The following VTCN1 variants were observed in gnomAD, a reference collection of about 807,000 sequenced individuals.
VTCN1 encodes V-set domain-containing T-cell activation inhibitor 1.
In VTCN1, 26 loss-of-function variants were observed where a neutral mutation model predicts 26.5. The observed-to-expected ratio is 0.98, with a 90% CI of 0.72 to 1.36. The LOEUF (loss-of-function observed/expected upper bound fraction) is 1.36. VTCN1 is among the 40% of genes most tolerant of loss of function. VTCN1 has a pLI of 0.00. For synonymous variants in VTCN1, 116 were observed against 130.7 expected (o/e 0.89, Z 0.77); for missense variants, 298 against 337.7 (o/e 0.88, Z 0.92).
At chr1:117,173,242 G>T in intron 1 of VTCN1, 1 of 708,322 alleles carries the variant, frequency 1.4e-6, no homozygotes, top group South Asian at 1.5e-5. Context: ...CCACCAGAAG[G>T]AATAAATTCC....
In VTCN1 at chr1:117,169,131, A is replaced by T. The variant is rs1329545515; in HGVS notation, c.97+976T>A. On this transcript the variant is annotated intron_variant, in intron 2 of 5. Coordinates refer to ENST00000369458, the MANE Select transcript of VTCN1 (RefSeq NM_024626.4). This position sits in a 1 kb window ranked among gnomAD's most constrained non-coding sequence, Gnocchi z 4.0. Reference sequence around the variant, plus strand: ...TGGACTGAGTCAGGTGGTTTATGAAAAAAAGAGCAGACAATTTGCCTCAGA... The same window carrying T: ...TGGACTGAGTCAGGTGGTTTATGAATAAAAGAGCAGACAATTTGCCTCAGA... Among the ~76,000 whole-genome samples the T allele has an allele frequency of 6.6e-6, 1 of 152,248 alleles. No homozygotes were observed. The highest frequency in any genetic ancestry group is 2.4e-5 in the African/African-American group (1 of 41,468).
chr1:117,172,221 T>A (rs1001272781), intron 1 of VTCN1, among the ~76,000 whole-genome samples: 1 of 152,228 alleles, frequency 6.6e-6, no homozygotes, highest in Admixed American at 6.5e-5. Context: ...CTGCCCTGAA[T>A]AGGCTCATTG....
intron 3 of VTCN1, 118 bp downstream of exon 3, chr1:117,156,456 G>T: frequency 8.8e-7 from 1 of 1,138,542 alleles, no homozygotes; most frequent in Non-Finnish European, 1.2e-6. Flanking sequence ...ACAGCTGTTA[G>T]CAGAATTGGG....
In VTCN1 at chr1:117,146,608, G is replaced by T. The variant is rs1420469145; in HGVS notation, c.*45+1005C>A. ...GTATAAATTGCCACAGAGTAGAGAA[G>T]ATTTCCAGGAAAAGACAGTGAGGGA... On this transcript the variant is annotated intron_variant, in intron 5 of 5. Coordinates refer to ENST00000369458, the MANE Select transcript of VTCN1 (RefSeq NM_024626.4). The surrounding 1 kb of genome is among the most constrained non-coding windows in gnomAD (Gnocchi z 4.2). Among the ~76,000 whole-genome samples the T allele has an allele frequency of 1.3e-5, 2 of 152,178 alleles. No individual in the cohort carries two copies. The highest frequency in any genetic ancestry group is 1.5e-5 in the Non-Finnish European group (1 of 68,022).
At chr1:117,194,692 G>A (rs1480730595) in intron 1 of VTCN1, among the ~76,000 whole-genome samples, 1 of 152,198 alleles carries the variant, frequency 6.6e-6, no homozygotes, top group Non-Finnish European at 1.5e-5. Context: ...CAGCCTATGA[G>A]AGGCAGGAAA....
rs1426600303 is a variant in VTCN1 at position 117,169,867 on chromosome 1, C to T, written c.97+240G>A. ...CTGAGATCATGCCACTGCACTCCAA[C>T]CTGGGCAACAGAGCCAGACCCTGTC... On this transcript the variant is annotated intron_variant, in intron 2 of 5. Transcript: ENST00000369458. This position sits in a 1 kb window ranked among gnomAD's most constrained non-coding sequence, Gnocchi z 4.0. Among the ~76,000 whole-genome samples, 1 of 152,032 alleles carries T rather than the reference C, an allele frequency of 6.6e-6. No individual in the cohort carries two copies. Among genetic ancestry groups the T allele is most frequent in the African/African-American group, 2.4e-5 (1 of 41,374 alleles).
At chr1:117,185,976 G>A (rs1358257791) in intron 1 of VTCN1, among the ~76,000 whole-genome samples, 1 of 152,156 alleles carries the variant, frequency 6.6e-6, no homozygotes, top group East Asian at 1.9e-4. Flanking sequence ...ACCTCTGGAG[G>A]CTGTGTCATG....
intron 2 of VTCN1, among the ~76,000 whole-genome samples, chr1:117,166,098 C>T (rs938438337): frequency 6.6e-6 from 1 of 152,198 alleles, no homozygotes; most frequent in African/African-American, 2.4e-5. Context: ...TTACTTCCAT[C>T]TATTCACACC....
At chr1:117,176,532 T>G (rs146302648) in intron 1 of VTCN1, among the ~76,000 whole-genome samples, 1 of 152,360 alleles carries the variant, frequency 6.6e-6, no homozygotes, top group East Asian at 1.9e-4. Flanking sequence ...TTCTATGTTC[T>G]CGAGTTTCTG....
intron 1 of VTCN1, among the ~76,000 whole-genome samples, chr1:117,189,978 C>T (rs1442023606): frequency 6.6e-6 from 1 of 152,232 alleles, no homozygotes; most frequent in Non-Finnish European, 1.5e-5. Flanking sequence ...TAGCTTCATC[C>T]TCTGTGGATT....
rs1651543806 is a variant in VTCN1 at position 117,146,954 on chromosome 1, GTAGGGGTTGA to G, written c.*45+649_*45+658del. ...GGCAACACAGGGGAAAATGTGATAG[GTAGGGGTTGA>G]TAAGAAATTGACATGCGGGACAGAG... On this transcript the variant is annotated intron_variant, in intron 5 of 5. Coordinates refer to ENST00000369458, the MANE Select transcript of VTCN1 (RefSeq NM_024626.4). The surrounding 1 kb of genome is among the most constrained non-coding windows in gnomAD (Gnocchi z 4.2). Among the ~76,000 whole-genome samples the G allele has an allele frequency of 6.6e-6, 1 of 152,156 alleles. No individual in the cohort carries two copies. The highest frequency in any genetic ancestry group is 1.5e-5 in the Non-Finnish European group (1 of 68,032).
At chr1:117,157,441 A>G (rs1009488432) in intron 2 of VTCN1, among the ~76,000 whole-genome samples, 6 of 152,184 alleles carry the variant, frequency 3.9e-5, no homozygotes, top group Non-Finnish European at 7.3e-5. Context: ...CACTTCTTAC[A>G]TGGTGGTGGC....
At chr1:117,174,854 A>T (rs1050936271) in intron 1 of VTCN1, among the ~76,000 whole-genome samples, 17 of 152,166 alleles carry the variant, frequency 1.1e-4, no homozygotes, top group African/African-American at 3.6e-4. Flanking sequence ...GCTGTTACAC[A>T]CTCTCTGTCC....
At chr1:117,210,563 C>T (rs1016277547) in intron 1 of VTCN1, among the ~76,000 whole-genome samples, 5 of 152,182 alleles carry the variant, frequency 3.3e-5, no homozygotes, top group African/African-American at 1.2e-4. Flanking sequence ...GTCCAAGCTG[C>T]CCAGCAAGCG....
In VTCN1 at chr1:117,159,862, G is replaced by A. The variant is rs1378832650; in HGVS notation, c.98-2941C>T. 6.6e-6 allele frequency among the ~76,000 whole-genome samples: 1 copy of A among 152,134 alleles called. No homozygotes were observed. The highest frequency in any genetic ancestry group is 1.9e-4 in the East Asian group (1 of 5,190). On this transcript the variant is annotated intron_variant, in intron 2 of 5. Coordinates refer to ENST00000369458, the MANE Select transcript of VTCN1 (RefSeq NM_024626.4). This position sits in a 1 kb window ranked among gnomAD's most constrained non-coding sequence, Gnocchi z 4.7. ...CTGTATTTAATTCAGTTGATTTTTG[G>A]TTTAAAATGAAAGCCACCCTCTCCT...
At chr1:117,188,305 C>T (rs542918085) in intron 1 of VTCN1, among the ~76,000 whole-genome samples, 1 of 152,220 alleles carries the variant, frequency 6.6e-6, no homozygotes, top group Non-Finnish European at 1.5e-5. Flanking sequence ...TTTTATGAAG[C>T]AAGGAATGTG....
Position 117,205,247 on chromosome 1 carries a change from C to G in VTCN1, c.32+5577G>C, listed in dbSNP as rs560941792. 7.9e-5 allele frequency among the ~76,000 whole-genome samples: 12 copies of G among 151,688 alleles called. No homozygotes were observed. In the South Asian group the frequency reaches 2.5e-3, roughly 32 times the overall value. On this transcript the variant is annotated intron_variant, in intron 1 of 5. Coordinates refer to ENST00000369458, the MANE Select transcript of VTCN1 (RefSeq NM_024626.4). Reference sequence around the variant, plus strand: ...TGATGGCTCACTGCAACCTTAACCTCACAGGCTCAAGCAATTCTCCCACCT... The same window carrying G: ...TGATGGCTCACTGCAACCTTAACCTGACAGGCTCAAGCAATTCTCCCACCT...
At chr1:117,204,812 G>T (rs554539058) in intron 1 of VTCN1, among the ~76,000 whole-genome samples, 4 of 149,490 alleles carry the variant, frequency 2.7e-5, no homozygotes, top group Non-Finnish European at 5.9e-5. Flanking sequence ...GTTGCAGTGA[G>T]CCGAGATCAC....
At chr1:117,153,872 T>A (rs536405056) in intron 3 of VTCN1, among the ~76,000 whole-genome samples, 1 of 152,174 alleles carries the variant, frequency 6.6e-6, no homozygotes, top group South Asian at 2.1e-4. Context: ...GGATTTGGAG[T>A]TTGCTTGGGT....
Sources: allele counts gnomAD v4.1 joint callset (sites outside exome capture counted in the v4.1 genomes callset), GRCh38; gene constraint gnomAD v4.1.1; non-coding constraint Gnocchi (gnomAD v3.1); transcripts MANE v1.5; gene names NCBI Gene and HGNC (gene_info 2026-07-23, HGNC 2026-07-21).